The following ADGRL3 variants were observed in gnomAD, a reference collection of about 807,000 sequenced individuals.
ADGRL3 encodes calcium-independent alpha-latrotoxin receptor 3.
ADGRL3 carries 62 observed loss-of-function variants against 153.5 expected under a neutral mutation model. The ratio of observed to expected loss-of-function variants is 0.40; its 90% CI spans 0.33 to 0.50. The LOEUF (loss-of-function observed/expected upper bound fraction) is 0.50. Among genes scored for constraint, ADGRL3 ranks in the 20% least tolerant of loss-of-function variants. The pLI is 0.47. For missense variants in ADGRL3, 1,641 were observed against 1,859.4 expected (o/e 0.88, Z 2.16); for synonymous variants, 710 against 672.5 (o/e 1.06, Z -0.86).
intron 8 of ADGRL3, among the ~76,000 whole-genome samples, chr4:61,806,805 CA>C (rs1262155034): frequency 1.3e-5 from 2 of 151,554 alleles, no homozygotes; most frequent in African/African-American, 2.4e-5. Context: ...TTTCTTTTTT[CA>C]AAAGTACTAT....
At chr4:62,003,110 A>T (rs1279224598) in intron 21 of ADGRL3, among the ~76,000 whole-genome samples, 1 of 152,158 alleles carries the variant, frequency 6.6e-6, no homozygotes, top group Non-Finnish European at 1.5e-5. Context: ...CCATTTTAAG[A>T]CGTAGAAAAG....
intron 16 of ADGRL3, among the ~76,000 whole-genome samples, chr4:61,947,339 A>T (rs541076047): frequency 2.6e-5 from 4 of 152,286 alleles, no homozygotes; most frequent in Admixed American, 2.0e-4. Flanking sequence ...GCATTCATAG[A>T]TGGATTTATA....
At chr4:61,743,847 C>T (rs2096615560) in intron 8 of ADGRL3, among the ~76,000 whole-genome samples, 1 of 152,192 alleles carries the variant, frequency 6.6e-6, no homozygotes, top group South Asian at 2.1e-4. Context: ...CTAGGGAGTG[C>T]CAGACAGTGG....
intron 9 of ADGRL3, among the ~76,000 whole-genome samples, chr4:61,890,074 G>A (rs1270693960): frequency 1.3e-5 from 2 of 152,150 alleles, no homozygotes; most frequent in African/African-American, 4.8e-5. Context: ...ATTTGAGCAT[G>A]AGATTATTTA....
chr4:61,836,906 G>A (rs1438244652), intron 9 of ADGRL3, among the ~76,000 whole-genome samples: 5 of 151,998 alleles, frequency 3.3e-5, no homozygotes, highest in Admixed American at 2.6e-4. Flanking sequence ...GAAGACTTAG[G>A]AAATATCATT....
At chr4:61,606,301 C>G (rs951955394) in intron 5 of ADGRL3, among the ~76,000 whole-genome samples, 1 of 152,140 alleles carries the variant, frequency 6.6e-6, no homozygotes, top group Non-Finnish European at 1.5e-5. Flanking sequence ...AAAATAATAG[C>G]TTGCTTATTA....
At chr4:62,015,834 T>C (rs1452545235) in intron 21 of ADGRL3, among the ~76,000 whole-genome samples, 1 of 152,012 alleles carries the variant, frequency 6.6e-6, no homozygotes, top group African/African-American at 2.4e-5. Context: ...GCTTTTGCTA[T>C]TACAAATATC....
At chr4:61,795,057 T>C (rs1166426027) in intron 8 of ADGRL3, among the ~76,000 whole-genome samples, 1 of 152,228 alleles carries the variant, frequency 6.6e-6, no homozygotes, top group Non-Finnish European at 1.5e-5. Context: ...GAGCTATTCA[T>C]AGGATCTTTT....
chr4:61,800,515 G>C (rs562969011), intron 8 of ADGRL3, among the ~76,000 whole-genome samples: 1 of 152,228 alleles, frequency 6.6e-6, no homozygotes, highest in African/African-American at 2.4e-5. Flanking sequence ...ATAAAAAGCA[G>C]AGTGGCATTT....
chr4:61,834,795 TGA>T (rs1244862197), intron 9 of ADGRL3, among the ~76,000 whole-genome samples: 96 of 152,158 alleles, frequency 6.3e-4, no homozygotes, highest in South Asian at 1.4e-3. Flanking sequence ...AGTGTTGAAG[TGA>T]ACAGCATACT....
intron 2 of ADGRL3, among the ~76,000 whole-genome samples, chr4:61,484,418 G>T (rs764659409): frequency 2.6e-5 from 4 of 152,064 alleles, no homozygotes; most frequent in Non-Finnish European, 4.4e-5. Context: ...CTGCTTTATT[G>T]GTCATCACTG....
At chr4:61,413,462 C>CT (rs980348762) in intron 2 of ADGRL3, among the ~76,000 whole-genome samples, 1 of 152,016 alleles carries the variant, frequency 6.6e-6, no homozygotes, top group Non-Finnish European at 1.5e-5. Flanking sequence ...CTAACACCAC[C>CT]TTTTTGGGGG....
At chr4:61,582,368 G>A (rs2098929478) in intron 4 of ADGRL3, among the ~76,000 whole-genome samples, 1 of 151,848 alleles carries the variant, frequency 6.6e-6, no homozygotes, top group South Asian at 2.1e-4. Flanking sequence ...GCCCCAGTAT[G>A]TGTTGTTCCT....
At chr4:61,301,293 A>C (rs558359915) in intron 1 of ADGRL3, among the ~76,000 whole-genome samples, 18 of 152,362 alleles carry the variant, frequency 1.2e-4, no homozygotes, top group Non-Finnish European at 1.2e-4. Context: ...TATCGGCTAA[A>C]TAAAGAAAAA....
chr4:61,331,326 T>C (rs1360219164), intron 1 of ADGRL3, among the ~76,000 whole-genome samples: 1 of 152,198 alleles, frequency 6.6e-6, no homozygotes, highest in East Asian at 1.9e-4. Flanking sequence ...CAATATTTCC[T>C]GAAATACTTT....
intron 17 of ADGRL3, among the ~76,000 whole-genome samples, chr4:61,953,881 T>G (rs902844512): frequency 3.3e-5 from 5 of 152,214 alleles, no homozygotes; most frequent in Admixed American, 2.0e-4. Context: ...TTGGGTACAC[T>G]ACTCCTTAGT....
chr4:61,677,231 T>C (rs2095225180), intron 6 of ADGRL3: 1 of 327,096 alleles, frequency 3.1e-6, no homozygotes, highest in Non-Finnish European at 5.9e-6. Context: ...GGGAGTGTTA[T>C]ACCAATTCTC....
At chr4:61,248,353 G>A (rs1757895582) in intron 1 of ADGRL3, among the ~76,000 whole-genome samples, 1 of 152,050 alleles carries the variant, frequency 6.6e-6, no homozygotes, top group African/African-American at 2.4e-5. Flanking sequence ...TTCTTTCCAA[G>A]TATTGAGTCT....
intron 1 of ADGRL3, among the ~76,000 whole-genome samples, chr4:61,233,377 A>C (rs548570631): frequency 2.6e-5 from 4 of 152,096 alleles, no homozygotes; most frequent in Admixed American, 6.5e-5. Context: ...CTTTTCTACC[A>C]TTATACTACT....
Sources: gnomAD v4.1 joint callset for allele counts (sites outside exome capture counted in the v4.1 genomes callset) on GRCh38, gnomAD v4.1.1 for gene constraint, MANE v1.5 for transcripts, NCBI Gene and HGNC (gene_info 2026-07-23, HGNC 2026-07-21) for gene names.